The following P3H1 variants were observed in gnomAD, a reference collection of about 807,000 sequenced individuals.
The protein encoded by P3H1 is prolyl 3-hydroxylase 1.
P3H1 carries 69 observed loss-of-function variants against 84.0 expected under a neutral mutation model. That is an observed-to-expected ratio of 0.82 (90% CI 0.68 to 1.00). P3H1 has a LOEUF of 1.00. Among genes scored for constraint, P3H1 ranks in the 50% least tolerant of loss-of-function variants. P3H1 has a pLI of 0.00. For synonymous variants in P3H1, 366 were observed against 388.8 expected, an observed-to-expected ratio of 0.94 and a Z score of 0.69; for missense variants, 878 against 962.8, an observed-to-expected ratio of 0.91 and a Z score of 1.17.
chr1:42,765,587 G>T lies in P3H1; in HGVS notation c.465+920C>A, dbSNP rs537710211. On this transcript the variant is annotated intron_variant, in intron 1 of 14. Transcript: ENST00000296388. ...TTGATTTCAAGTCCAGCGCTCTTCCGAGTAACTAGGAAAAATGAGGGGAAC... is the reference window on the plus strand; with the variant it reads ...TTGATTTCAAGTCCAGCGCTCTTCCTAGTAACTAGGAAAAATGAGGGGAAC... Among the ~76,000 whole-genome samples, 48 of 152,306 alleles carry T rather than the reference G, an allele frequency of 3.2e-4. 1 individual carries two copies. Among genetic ancestry groups the T allele is most frequent in the African/African-American group, 1.2e-3 (48 of 41,560 alleles).
In P3H1 at chr1:42,747,301, A is replaced by C; in HGVS notation, c.2026T>G (p.Phe676Val). The change falls in exon 14 of 15, where the codon TTC (phenylalanine) becomes GTC (valine). Residue 676 changes from phenylalanine (F) to valine (V), a missense_variant. Phe to Val is a conservative substitution (Grantham distance 50). Coordinates refer to ENST00000296388, the MANE Select transcript of P3H1 (RefSeq NM_022356.4). ...TCGCTGTGTCGAGGGTCCAGGGTGAACCACAGGGCGATGGCACAGCGCTGC... is the reference window on the plus strand; with the variant it reads ...TCGCTGTGTCGAGGGTCCAGGGTGACCCACAGGGCGATGGCACAGCGCTGC... Reference protein sequence around the residue: ...RGQRCAIALWFTLDPRHSERD... With the variant: ...RGQRCAIALWVTLDPRHSERD... The C allele has an allele frequency of 6.2e-7, 1 of 1,613,190 alleles. No individual in the cohort carries two copies.
intron 5 of P3H1, among the ~76,000 whole-genome samples, chr1:42,756,246 C>T (rs767984208): frequency 2.4e-4 from 37 of 152,086 alleles, no homozygotes; most frequent in Non-Finnish European, 4.7e-4. Flanking sequence ...CAGATAAAGC[C>T]GGGTCTTTAC....
intron 8 of P3H1, among the ~76,000 whole-genome samples, chr1:42,753,810 C>T (rs1026475510): frequency 6.6e-6 from 1 of 152,018 alleles, no homozygotes; most frequent in Non-Finnish European, 1.5e-5. Flanking sequence ...GTAATCCCAG[C>T]TACTTGGGAG....
Position 42,750,353 on chromosome 1 carries a change from T to A in P3H1, c.1570-17A>T. 1 of 1,613,734 alleles carries A rather than the reference T, an allele frequency of 6.2e-7. No individual in the cohort carries two copies. Among genetic ancestry groups the A allele is most frequent in the Non-Finnish European group, 8.5e-7 (1 of 1,179,926 alleles). ...TTGCCCCAGCTGCCAAGGAGACAGA[T>A]GGTCAGCTGCCCTCAACGACTGATA... On this transcript the variant is annotated splice_polypyrimidine_tract_variant and intron_variant, in intron 10 of 14. Transcript: ENST00000296388.
intron 10 of P3H1, chr1:42,751,732 C>CCCCAGGCTTCTCCAGTT: frequency 5.6e-6 from 1 of 178,544 alleles, no homozygotes; most frequent in Non-Finnish European, 1.2e-5. Flanking sequence ...CTTCCCCAGC[C>CCCCAGGCTTCTCCAGTT]ACATGGAACT....
Position 42,747,720 on chromosome 1 carries a change from C to T in P3H1, c.1914+3G>A, listed in dbSNP as rs1651808164. On this transcript the variant is annotated splice_donor_region_variant and intron_variant, in intron 13 of 14. Coordinates refer to ENST00000296388, the MANE Select transcript of P3H1 (RefSeq NM_022356.4). ...CCAGGGACAAGGACAAGGGAGCACT[C>T]ACCGTCACGGTCTTGGCATCCAGTT... The T allele has an allele frequency of 6.2e-7, 1 of 1,614,042 alleles. No individual in the cohort carries two copies.
Position 42,762,351 on chromosome 1 carries a change from A to C in P3H1, c.590T>G (p.Phe197Cys), listed in dbSNP as rs1336259292. The part of the protein sequence containing the change: ...QTMSGVKEAD[F>C]KDLETQPHMQ... ...ATGGGGTTGAGTCTCAAGATCCTTG[A>C]AGTCGGCCTCCTTCACTCCAGACAT... Residue 197 changes from phenylalanine (F) to cysteine (C), a missense_variant, in exon 2 of 15, where the codon TTC (phenylalanine) becomes TGC (cysteine). Physicochemically the swap from Phe to Cys is radical, Grantham distance 205. Coordinates refer to ENST00000296388, the MANE Select transcript of P3H1 (RefSeq NM_022356.4). 1 of 1,614,172 alleles carries C rather than the reference A, an allele frequency of 6.2e-7. No homozygotes were observed. Among genetic ancestry groups the C allele is most frequent in the African/African-American group, 1.3e-5 (1 of 75,052 alleles).
intron 5 of P3H1, among the ~76,000 whole-genome samples, chr1:42,756,915 A>C (rs1265102323): frequency 1.3e-5 from 2 of 152,190 alleles, no homozygotes; most frequent in African/African-American, 2.4e-5. Context: ...GTGATGATTA[A>C]ATGAGATGAT....
At chr1:42,755,249 AGAT>A in intron 6 of P3H1, 32 bp from the exon 7 acceptor site, 1 of 1,600,178 alleles carries the variant, frequency 6.2e-7, no homozygotes, top group African/African-American at 1.3e-5. Flanking sequence ...GAAAAAGGTA[AGAT>A]GATCTACTTA....
At position 42,746,569 on chromosome 1, in the gene P3H1, C is replaced by A; in HGVS notation, c.*128G>T. 7 of 740,142 alleles carry A rather than the reference C, an allele frequency of 9.5e-6. No individual in the cohort carries two copies. Among genetic ancestry groups the A allele is most frequent in the African/African-American group, 1.7e-5 (1 of 57,418 alleles). 45.8% of individuals were successfully genotyped at this position (740,142 alleles called of 1,614,324 possible). On this transcript the variant is annotated 3_prime_UTR_variant, in exon 15 of 15. Coordinates refer to ENST00000296388, the MANE Select transcript of P3H1 (RefSeq NM_022356.4). The stretch of plus-strand genomic sequence containing the variant: ...GTAGCACCATGTAGAAGGCTGTGAG[C>A]AGGGTCCCCTCGGCTGAGTGGCAGA...
At chr1:42,757,313 CT>C (rs906551747) in intron 5 of P3H1, among the ~76,000 whole-genome samples, 1 of 152,034 alleles carries the variant, frequency 6.6e-6, no homozygotes, top group Non-Finnish European at 1.5e-5. Context: ...GATATTTCTC[CT>C]GGTTTTGGAG....
rs1652273731 is a variant in P3H1, at chr1:42,754,431, C to T, written c.1345+438G>A. Among the ~76,000 whole-genome samples the T allele has an allele frequency of 6.6e-6, 1 of 152,102 alleles. No individual in the cohort carries two copies. The highest frequency in any genetic ancestry group is 2.4e-5 in the African/African-American group (1 of 41,414). On this transcript the variant is annotated intron_variant, in intron 8 of 14. Transcript: ENST00000296388. The surrounding 1 kb of genome is among the most constrained non-coding windows in gnomAD (Gnocchi z 4.0). ...ACGAATGGTGAAAACCGGGAGAAAACAGTTTGGGAGTGGGGAGACAGGATG... is the reference window on the plus strand; with the variant it reads ...ACGAATGGTGAAAACCGGGAGAAAATAGTTTGGGAGTGGGGAGACAGGATG...
chr1:42,759,499 A>T, intron 2 of P3H1, 109 bp from the exon 3 acceptor site: 1 of 919,798 alleles, frequency 1.1e-6, no homozygotes, highest in Non-Finnish European at 1.7e-6. Context: ...CAGGTTATGG[A>T]TGGAAAGGGG....
intron 6 of P3H1, 65 bp from the exon 7 acceptor site, chr1:42,755,282 G>T: frequency 6.7e-7 from 1 of 1,481,824 alleles, no homozygotes; most frequent in Non-Finnish European, 9.4e-7. Flanking sequence ...GTGTCTCAAT[G>T]CATAAAATAA....
At chr1:42,748,931 T>TTCTC (rs1453105778) in intron 11 of P3H1, among the ~76,000 whole-genome samples, 2 of 152,210 alleles carry the variant, frequency 1.3e-5, no homozygotes, top group African/African-American at 4.8e-5. Context: ...GGGTGCCTCC[T>TTCTC]TCTCCATTCC....
chr1:42,753,332 T>C (rs1229056323), intron 8 of P3H1, among the ~76,000 whole-genome samples: 2 of 152,236 alleles, frequency 1.3e-5, no homozygotes, highest in Non-Finnish European at 2.9e-5. Context: ...CTAATCTTGT[T>C]TAATTAACCA....
chr1:42,752,942 T>C (rs1313493049), intron 8 of P3H1, among the ~76,000 whole-genome samples: 3 of 152,086 alleles, frequency 2.0e-5, no homozygotes, highest in African/African-American at 7.2e-5. Context: ...TCCTAAAACA[T>C]GAGCTCGGGA....
At position 42,766,611 on chromosome 1, in the gene P3H1, G is replaced by A; in HGVS notation, c.361C>T (p.Arg121Cys). 3 of 1,606,176 alleles carry A rather than the reference G, an allele frequency of 1.9e-6. No individual in the cohort carries two copies. The highest frequency in any genetic ancestry group is 2.5e-6 in the Non-Finnish European group (3 of 1,176,810). ...GGLLRRAACLRRCLGPPAAHS... is the reference protein window; with the variant it reads ...GGLLRRAACLCRCLGPPAAHS... ...GCGGCCGGCGGCCCGAGGCAGCGGC[G>A]CAGGCAGGCAGCGCGACGCAGAAGG... The change falls in exon 1 of 15, where the codon CGC becomes TGC. Residue 121 changes from arginine (R) to cysteine (C), a missense_variant. Coordinates refer to ENST00000296388, the MANE Select transcript of P3H1 (RefSeq NM_022356.4).
At chr1:42,755,699 T>C in intron 5 of P3H1, 62 bp from the exon 6 acceptor site, 1 of 1,302,784 alleles carries the variant, frequency 7.7e-7, no homozygotes, top group South Asian at 1.2e-5. Context: ...CCTCTGGGAG[T>C]TCCCCTCCCT....
Sources: allele counts gnomAD v4.1 joint callset (sites outside exome capture counted in the v4.1 genomes callset), GRCh38; gene constraint gnomAD v4.1.1; non-coding constraint Gnocchi (gnomAD v3.1); transcripts MANE v1.5; gene names NCBI Gene and HGNC (gene_info 2026-07-23, HGNC 2026-07-21).